KCTD8: variants seen among roughly 807,000 people sequenced by gnomAD.
KCTD8 encodes the protein potassium channel tetramerization domain containing 8.
In KCTD8, 27 loss-of-function variants were observed where a neutral mutation model predicts 31.5. That is an observed-to-expected ratio of 0.86 (90% CI 0.63 to 1.18). The LOEUF is 1.18. KCTD8 is among the 50% of genes most tolerant of loss of function. The pLI, the probability that KCTD8 is intolerant of heterozygous loss-of-function variation, is 0.00. For synonymous variants in KCTD8, 290 were observed against 280.0 expected (o/e 1.04, Z -0.36); for missense variants, 658 against 647.7 (o/e 1.02, Z -0.17).
chr4:44,438,000 C>T (rs1337488183), intron 1 of KCTD8, among the ~76,000 whole-genome samples: 1 of 152,024 alleles, frequency 6.6e-6, no homozygotes, highest in Admixed American at 6.6e-5. Context: ...ATAAAGCTGC[C>T]ACTGTAGCAA....
chr4:44,370,803 G>T (rs181310079), intron 1 of KCTD8, among the ~76,000 whole-genome samples: 133 of 152,266 alleles, frequency 8.7e-4, no homozygotes, highest in African/African-American at 3.1e-3. Flanking sequence ...TCAATTCCTA[G>T]AAGTGGCAAG....
chr4:44,411,831 C>T (rs1231297125), intron 1 of KCTD8, among the ~76,000 whole-genome samples: 1 of 152,028 alleles, frequency 6.6e-6, no homozygotes, highest in Non-Finnish European at 1.5e-5. Flanking sequence ...ACAGCCACCA[C>T]CAGCAGCTAG....
rs193030878 is a variant in KCTD8 at position 44,194,936 on chromosome 4, A to G, written c.962-19686T>C. Among the ~76,000 whole-genome samples, 1,110 of 146,688 alleles carry G rather than the reference A, an allele frequency of 7.6e-3. 10 individuals are homozygous for G. Among genetic ancestry groups the G allele is most frequent in the Non-Finnish European group, 0.011 (764 of 66,766 alleles). ...AATAGTGCAATCTTGGCTCACTGCA[A>G]CCTCTACCTCCTGGGTTGAAGTGAT... is the stretch of plus-strand genomic sequence containing the variant. On this transcript the variant is annotated intron_variant, in intron 1 of 1. Transcript: ENST00000360029.
chr4:44,252,702 C>T (rs943595987), intron 1 of KCTD8, among the ~76,000 whole-genome samples: 1 of 151,434 alleles, frequency 6.6e-6, no homozygotes, highest in East Asian at 1.9e-4. Flanking sequence ...TCTGCCTTGC[C>T]CTAGTGTAAT....
At chr4:44,243,951 T>A (rs1715577350) in intron 1 of KCTD8, among the ~76,000 whole-genome samples, 1 of 152,210 alleles carries the variant, frequency 6.6e-6, no homozygotes. Flanking sequence ...AGCCTACTAA[T>A]TCCTCCAGCC....
intron 1 of KCTD8, among the ~76,000 whole-genome samples, chr4:44,186,252 G>T (rs1240338304): frequency 6.6e-6 from 1 of 152,150 alleles, no homozygotes; most frequent in Non-Finnish European, 1.5e-5. Flanking sequence ...ATGTGGCGGC[G>T]GCTGAGGGGA....
intron 1 of KCTD8, among the ~76,000 whole-genome samples, chr4:44,406,918 G>C (rs905259493): frequency 2.0e-5 from 3 of 152,118 alleles, no homozygotes; most frequent in Admixed American, 2.0e-4. Context: ...TTTGAATTAA[G>C]CATAACTAAA....
At chr4:44,441,542 A>C (rs1462534809) in intron 1 of KCTD8, among the ~76,000 whole-genome samples, 1 of 152,204 alleles carries the variant, frequency 6.6e-6, no homozygotes, top group Non-Finnish European at 1.5e-5. Flanking sequence ...TACTCAGTAG[A>C]CACTGAAATA....
chr4:44,220,804 C>G (rs1010459422), intron 1 of KCTD8, among the ~76,000 whole-genome samples: 5 of 152,176 alleles, frequency 3.3e-5, no homozygotes, highest in Non-Finnish European at 7.4e-5. Flanking sequence ...GATGAATTCT[C>G]TATCTCCCTC....
At chr4:44,280,104 G>A (rs1560414253) in intron 1 of KCTD8, among the ~76,000 whole-genome samples, 1 of 151,778 alleles carries the variant, frequency 6.6e-6, no homozygotes, top group East Asian at 1.9e-4. Flanking sequence ...TCCTAATCTA[G>A]GTAATTTATA....
chr4:44,227,224 T>C (rs541094096), intron 1 of KCTD8, among the ~76,000 whole-genome samples: 14 of 152,210 alleles, frequency 9.2e-5, no homozygotes, highest in Non-Finnish European at 1.6e-4. Context: ...GTATAAGGTA[T>C]AAGGAAGGGA....
intron 1 of KCTD8, among the ~76,000 whole-genome samples, chr4:44,269,044 A>C (rs1211413300): frequency 6.6e-6 from 1 of 152,310 alleles, no homozygotes; most frequent in East Asian, 1.9e-4. Flanking sequence ...AAACTACTTT[A>C]AAGTTCATAT....
At chr4:44,341,047 T>C (rs901126165) in intron 1 of KCTD8, among the ~76,000 whole-genome samples, 9 of 152,142 alleles carry the variant, frequency 5.9e-5, no homozygotes, top group Non-Finnish European at 1.3e-4. Flanking sequence ...TTGGAGATAT[T>C]GTGGGTTTGG....
chr4:44,272,231 G>A (rs1716634553), intron 1 of KCTD8, among the ~76,000 whole-genome samples: 1 of 151,176 alleles, frequency 6.6e-6, no homozygotes, highest in African/African-American at 2.4e-5. Context: ...CATACACAGT[G>A]AATCTATAGG....
intron 1 of KCTD8, among the ~76,000 whole-genome samples, chr4:44,201,327 C>CA (rs1181393623): frequency 2.6e-5 from 4 of 151,692 alleles, no homozygotes; most frequent in African/African-American, 9.7e-5. Context: ...CATATGGAAC[C>CA]AAAAAAGAGC....
intron 1 of KCTD8, among the ~76,000 whole-genome samples, chr4:44,435,619 C>T (rs1317337974): frequency 6.6e-6 from 1 of 151,926 alleles, no homozygotes; most frequent in Admixed American, 6.6e-5. Context: ...AAAGAAATGC[C>T]ATAAGGGGAG....
rs1450226639 is a variant in KCTD8 at position 44,341,413 on chromosome 4, G to A, written c.961+106150C>T. Among the ~76,000 whole-genome samples the A allele has an allele frequency of 2.6e-5, 4 of 152,178 alleles. No homozygotes were observed. The South Asian group carries it at 6.2e-4, about 24-fold the overall frequency. ...TTTACAAAGGCTTTCTCTGTAGCAT[G>A]CAATGGTATTTGATGTCACTTGACC... On this transcript the variant is annotated intron_variant, in intron 1 of 1. Coordinates refer to ENST00000360029, the MANE Select transcript of KCTD8 (RefSeq NM_198353.3).
At chr4:44,367,418 C>T (rs28407462) in intron 1 of KCTD8, among the ~76,000 whole-genome samples, 22,385 of 152,096 alleles carry the variant, frequency 0.15, 1,796 homozygotes, top group East Asian at 0.25. Context: ...CTCTCAGATC[C>T]TCCATTACTG....
intron 1 of KCTD8, among the ~76,000 whole-genome samples, chr4:44,424,400 A>T (rs993959226): frequency 3.3e-5 from 5 of 152,062 alleles, no homozygotes; most frequent in Non-Finnish European, 7.4e-5. Context: ...ATATATACAC[A>T]ATGTAAACAG....
Sources: allele counts gnomAD v4.1 joint callset (sites outside exome capture counted in the v4.1 genomes callset), GRCh38; gene constraint gnomAD v4.1.1; transcripts MANE v1.5; gene names NCBI Gene and HGNC (gene_info 2026-07-23, HGNC 2026-07-21).